The following ZNF81 variants were observed in gnomAD, a reference collection of about 807,000 sequenced individuals.
ZNF81 encodes the protein zinc finger protein 81.
A neutral mutation model predicts 32.3 loss-of-function variants in ZNF81; 5 were observed. The observed-to-expected ratio is 0.15, with a 90% CI of 0.08 to 0.33. ZNF81 has a LOEUF of 0.33. ZNF81 is among the 10% of genes least tolerant of loss of function. The pLI is 1.00. For synonymous variants in ZNF81, 163 were observed against 166.8 expected, an observed-to-expected ratio of 0.98 and a Z score of 0.17; for missense variants, 379 against 479.8, an observed-to-expected ratio of 0.79 and a Z score of 1.96.
intron 4 of ZNF81, among the ~76,000 whole-genome samples, chrX:47,907,422 A>G (rs962049922): frequency 1.9e-5 from 2 of 107,230 alleles, no homozygotes; most frequent in Non-Finnish European, 3.8e-5. Context: ...GTATGTTACA[A>G]ATCATCATTT....
chrX:47,843,831 GTCATT>G, intron 1 of ZNF81, among the ~76,000 whole-genome samples: 1 of 112,042 alleles, frequency 8.9e-6, no homozygotes, highest in East Asian at 2.8e-4. Context: ...GGCTACATTG[GTCATT>G]TCATTTCTTT....
chrX:47,880,128 T>C (rs1336579917), intron 2 of ZNF81, among the ~76,000 whole-genome samples: 2 of 112,262 alleles, frequency 1.8e-5, no homozygotes, highest in Non-Finnish European at 3.8e-5. Context: ...ATACCAAATA[T>C]GTCTGTGTGT....
rs2058761414 is a variant in ZNF81 at position 47,917,455 on chromosome X, A to G, written c.*823A>G. ...TTGGCCACGTGACTTTCTTTGGCCAATGGAAATTAGCAAAGAGAATCAATA... is the reference window on the plus strand; with the variant it reads ...TTGGCCACGTGACTTTCTTTGGCCAGTGGAAATTAGCAAAGAGAATCAATA... On this transcript the variant is annotated 3_prime_UTR_variant, in exon 5 of 5. Transcript: ENST00000338637. The G allele has an allele frequency of 3.5e-6, 1 of 286,397 alleles. No homozygotes were observed. Among genetic ancestry groups the G allele is most frequent in the African/African-American group, 2.8e-5 (1 of 36,178 alleles). The allele number at this position is 286,397 out of a possible 1,213,427, so 23.6% of individuals were successfully genotyped here. A position where few individuals can be genotyped will look rare whatever the true frequency, so the allele number is the denominator to read the frequency against.
intron 2 of ZNF81, among the ~76,000 whole-genome samples, chrX:47,861,369 C>T (rs1389838425): frequency 1.8e-5 from 2 of 111,851 alleles, no homozygotes; most frequent in African/African-American, 3.3e-5. Flanking sequence ...TTCCCTTTTT[C>T]AGGCAATCAG....
intron 2 of ZNF81, among the ~76,000 whole-genome samples, chrX:47,882,034 G>C (rs1556885226): frequency 3.6e-5 from 4 of 111,640 alleles, no homozygotes; most frequent in African/African-American, 1.3e-4. Context: ...AAAGTGCTGG[G>C]ATTATAGGCA....
chrX:47,875,353 G>A (rs1390902582), intron 2 of ZNF81, among the ~76,000 whole-genome samples: 1 of 111,909 alleles, frequency 8.9e-6, no homozygotes, highest in Non-Finnish European at 1.9e-5. Flanking sequence ...CAAATAAAAG[G>A]AATCATCCTC....
chrX:47,899,543 G>T (rs1187688906), intron 4 of ZNF81, among the ~76,000 whole-genome samples: 2 of 109,832 alleles, frequency 1.8e-5, no homozygotes, highest in Non-Finnish European at 3.8e-5. Context: ...TGAGTGATTT[G>T]GTTCATGGTT....
intron 4 of ZNF81, among the ~76,000 whole-genome samples, chrX:47,898,139 G>GT (rs1175674884): frequency 9.0e-6 from 1 of 111,500 alleles, no homozygotes; most frequent in African/African-American, 3.3e-5. Context: ...AGATTGGCTA[G>GT]TTTGGATAAT....
At chrX:47,837,887 G>T (rs910180805) in intron 1 of ZNF81, among the ~76,000 whole-genome samples, 1 of 112,128 alleles carries the variant, frequency 8.9e-6, no homozygotes, top group Non-Finnish European at 1.9e-5. Flanking sequence ...CTTGGATTTT[G>T]ATAGGAATTG....
chrX:47,874,544 A>G (rs1367460021), intron 2 of ZNF81, among the ~76,000 whole-genome samples: 4 of 112,321 alleles, frequency 3.6e-5, no homozygotes, highest in African/African-American at 1.3e-4. Flanking sequence ...TGTGAGTAAT[A>G]CTGGCTGAGT....
intron 4 of ZNF81, among the ~76,000 whole-genome samples, chrX:47,914,052 A>G (rs1332030622): frequency 9.0e-6 from 1 of 111,404 alleles, no homozygotes; most frequent in East Asian, 2.8e-4. Context: ...AGTGGAAAAA[A>G]AAAGAATTGA....
intron 2 of ZNF81, among the ~76,000 whole-genome samples, chrX:47,885,078 T>C (rs1456641325): frequency 8.9e-6 from 1 of 112,234 alleles, no homozygotes; most frequent in African/African-American, 3.2e-5. Context: ...ATACTTTACT[T>C]TCTTCAGCAT....
At position 47,886,040 on chromosome X, in the gene ZNF81, A is replaced by G. The variant is rs782589090; in HGVS notation, c.55-1959A>G. 3.6e-5 allele frequency among the ~76,000 whole-genome samples: 4 copies of G among 112,464 alleles called. No homozygotes were observed. The East Asian group carries it at 1.1e-3, about 31-fold the overall frequency. On this transcript the variant is annotated intron_variant, in intron 2 of 4. Transcript: ENST00000338637. ...ATTGTATTTTTCAGTTTTTTAAAATAGTTTATATTTCTTAGTTGGCCTATC... is the reference window on the plus strand; with the variant it reads ...ATTGTATTTTTCAGTTTTTTAAAATGGTTTATATTTCTTAGTTGGCCTATC...
chrX:47,843,317 A>G (rs1330179687), intron 1 of ZNF81, among the ~76,000 whole-genome samples: 4 of 111,149 alleles, frequency 3.6e-5, no homozygotes, highest in African/African-American at 9.8e-5. Context: ...GAATGGACAT[A>G]TGTTTTAATT....
intron 2 of ZNF81, among the ~76,000 whole-genome samples, chrX:47,875,824 G>A (rs2058597727): frequency 8.9e-6 from 1 of 112,381 alleles, no homozygotes; most frequent in South Asian, 3.6e-4. Context: ...TAATGAGATT[G>A]CAAAGGTAGC....
chrX:47,890,272 A>G (rs782005804), intron 3 of ZNF81, among the ~76,000 whole-genome samples: 4 of 110,546 alleles, frequency 3.6e-5, no homozygotes, highest in East Asian at 5.7e-4. Flanking sequence ...GGTCTTCTCT[A>G]TGCCACATTT....
chrX:47,856,000 G>A (rs1226237642), intron 2 of ZNF81, among the ~76,000 whole-genome samples: 1 of 90,914 alleles, frequency 1.1e-5, no homozygotes, highest in African/African-American at 4.4e-5. Flanking sequence ...AGTGAGCCGA[G>A]ATCACGCCAC....
intron 2 of ZNF81, among the ~76,000 whole-genome samples, chrX:47,862,120 G>A (rs782157713): frequency 2.7e-5 from 3 of 111,414 alleles, no homozygotes; most frequent in Non-Finnish European, 5.6e-5. Flanking sequence ...TGAGGGTTAC[G>A]TGAACCGCTG....
intron 4 of ZNF81, among the ~76,000 whole-genome samples, chrX:47,908,605 C>T (rs1279093914): frequency 8.9e-6 from 1 of 111,798 alleles, no homozygotes; most frequent in African/African-American, 3.2e-5. Context: ...CCAGCTTTAG[C>T]GTAATTGCTC....
Sources: allele counts gnomAD v4.1 joint callset (sites outside exome capture counted in the v4.1 genomes callset), GRCh38; gene constraint gnomAD v4.1.1; transcripts MANE v1.5; gene names NCBI Gene and HGNC (gene_info 2026-07-23, HGNC 2026-07-21).